Variants in HSP90AB1 observed in about 807,000 individuals in gnomAD.
The protein encoded by HSP90AB1 is heat shock protein HSP 90-beta.
Under a neutral mutation model 67.8 loss-of-function variants are expected in HSP90AB1, and 17 were observed. The observed-to-expected ratio is 0.25, with a 90% CI of 0.17 to 0.38. The LOEUF is 0.38. Among genes scored for constraint, HSP90AB1 ranks in the 10% least tolerant of loss-of-function variants. The pLI, the probability that HSP90AB1 is intolerant of heterozygous loss-of-function variation, is 1.00. For synonymous variants in HSP90AB1, 390 were observed against 312.9 expected (o/e 1.25, Z -2.60); for missense variants, 690 against 899.9 (o/e 0.77, Z 2.98).
In HSP90AB1 at chr6:44,253,669, G is replaced by A. The variant is rs1421623845; in HGVS notation, c.*71G>A. On this transcript the variant is annotated 3_prime_UTR_variant, in exon 12 of 12. Coordinates refer to ENST00000371646, the MANE Select transcript of HSP90AB1 (RefSeq NM_007355.4). ...CCATGGGCTCCCACTGCAGCCTCGA[G>A]TGCCCCTGTCCCACCTGGCTCCCCC... 8.6e-7 allele frequency: 1 copy of A among 1,163,194 alleles called. No individual in the cohort carries two copies. The allele number at this position is 1,163,194 out of a possible 1,614,324, so 72.1% of individuals were successfully genotyped here.
At chr6:44,248,600 C>G (rs187398161) in intron 1 of HSP90AB1, 30 bp from the exon 2 acceptor site, 10 of 1,595,924 alleles carry the variant, frequency 6.3e-6, no homozygotes, top group South Asian at 1.1e-5. Context: ...CCTTAGTGTT[C>G]TTTTGTAATT....
chr6:44,247,143 C>G lies in HSP90AB1; in HGVS notation c.-53C>G, dbSNP rs963636945. ...CGCAGTGTTGGGACTGTCTGGGTAT[C>G]GGAAAGCAAGCCTACGTTGCTCACT... On this transcript the variant is annotated 5_prime_UTR_variant, in exon 1 of 12. In the 5' UTR this introduces an upstream ATG that the reference lacks. Transcript: ENST00000371646. 1 of 152,184 alleles carries G rather than the reference C, an allele frequency of 6.6e-6. No homozygotes were observed. Among genetic ancestry groups the G allele is most frequent in the Non-Finnish European group, 1.5e-5 (1 of 68,040 alleles). 9.4% of individuals were successfully genotyped at this position (152,184 alleles called of 1,614,324 possible). A position where few individuals can be genotyped will look rare whatever the true frequency, so the allele number is the denominator to read the frequency against.
At position 44,251,625 on chromosome 6, in the gene HSP90AB1, T is replaced by C. The variant is rs750943476; in HGVS notation, c.1314+17T>C. The C allele has an allele frequency of 1.3e-6, 2 of 1,592,562 alleles. No individual in the cohort carries two copies. Among genetic ancestry groups the C allele is most frequent in the East Asian group, 2.2e-5 (1 of 44,528 alleles). Reference sequence around the variant, plus strand: ...AATCTCAAGGTAAAAAGGCAAATAATGCTTATTCCCTTTACCACTTTCTTA... The same window carrying C: ...AATCTCAAGGTAAAAAGGCAAATAACGCTTATTCCCTTTACCACTTTCTTA... On this transcript the variant is annotated intron_variant, in intron 8 of 11. Transcript: ENST00000371646.
chr6:44,246,873 T>C (rs1045702691), upstream of HSP90AB1, among the ~76,000 whole-genome samples: 2 of 152,208 alleles, frequency 1.3e-5, no homozygotes, highest in Admixed American at 1.3e-4. Flanking sequence ...GATGGAGTCA[T>C]GTCCTAGACG....
At chr6:44,247,307 G>A (rs978804028) in intron 1 of HSP90AB1, 112 bp downstream of exon 1, 1 of 152,224 alleles carries the variant, frequency 6.6e-6, no homozygotes, top group Non-Finnish European at 1.5e-5. Flanking sequence ...GTGGCTTGTG[G>A]ATAACGCTCT....
Position 44,248,661 on chromosome 6 carries a change from A to T in HSP90AB1, c.32A>T (p.Glu11Val), listed in dbSNP as rs780214960. Residue 11 changes from glutamate (E) to valine (V), a missense_variant, in exon 2 of 12, where the codon GAG (glutamate) becomes GTG (valine). Physicochemically the swap from Glu to Val is moderately radical, Grantham distance 121. Around this residue, in one of 7 missense-constraint regions of HSP90AB1, gnomAD observed 25 missense variants for 18.0 expected, o/e 1.39. Transcript: ENST00000371646. MPEEVHHGEE[E>V]VETFAFQAEI... is the part of the protein sequence containing the mutation. Reference sequence around the variant, plus strand: ...GAGGAAGTGCACCATGGAGAGGAGGAGGTGGAGACTTTTGCCTTTCAGGCA... The same window carrying T: ...GAGGAAGTGCACCATGGAGAGGAGGTGGTGGAGACTTTTGCCTTTCAGGCA... 3.7e-6 allele frequency: 6 copies of T among 1,613,772 alleles called. No homozygotes were observed. Among genetic ancestry groups the T allele is most frequent in the East Asian group, 2.2e-5 (1 of 44,888 alleles).
At position 44,250,618 on chromosome 6, in the gene HSP90AB1, T is replaced by C. The variant is rs371378619; in HGVS notation, c.957+19T>C. 2.3e-5 allele frequency: 33 copies of C among 1,410,550 alleles called. No homozygotes were observed. The highest frequency in any genetic ancestry group is 3.5e-5 in the Admixed American group (2 of 57,340). 87.4% of individuals were successfully genotyped at this position (1,410,550 alleles called of 1,614,324 possible). A position where few individuals can be genotyped will look rare whatever the true frequency, so the allele number is the denominator to read the frequency against. On this transcript the variant is annotated intron_variant, in intron 6 of 11. Transcript: ENST00000371646. ...AGTCAAGGTGTGAGAAGCCTTTGCATGTTGGCTCAACATGCACATATGGAG... is the reference window on the plus strand; with the variant it reads ...AGTCAAGGTGTGAGAAGCCTTTGCACGTTGGCTCAACATGCACATATGGAG...
At chr6:44,247,628 A>G (rs1271358772) in intron 1 of HSP90AB1, among the ~76,000 whole-genome samples, 2 of 151,994 alleles carry the variant, frequency 1.3e-5, no homozygotes, top group Non-Finnish European at 2.9e-5. Flanking sequence ...CTCTTATCGG[A>G]CGCGTTGTTA....
At chr6:44,252,983 C>A in intron 10 of HSP90AB1, 62 bp from the exon 11 acceptor site, 3 of 1,375,712 alleles carry the variant, frequency 2.2e-6, no homozygotes, top group South Asian at 1.2e-5. Context: ...TTAGGCTTGA[C>A]AATGCCTGTT....
upstream of HSP90AB1, chr6:44,246,466 C>T (rs369074535): frequency 1.4e-3 from 213 of 153,490 alleles, no homozygotes; most frequent in African/African-American, 3.5e-3. Context: ...GCTGGAAATG[C>T]CGCAGTGCCG....
rs1780571281 is a variant in HSP90AB1 at position 44,250,960 on chromosome 6, A to G, written c.958-88A>G. 5 of 1,161,584 alleles carry G rather than the reference A, an allele frequency of 4.3e-6. No individual in the cohort carries two copies. The South Asian group carries it at 6.4e-5, about 15-fold the overall frequency. The allele number at this position is 1,161,584 out of a possible 1,614,324, so 72.0% of individuals were successfully genotyped here. On this transcript the variant is annotated intron_variant, in intron 6 of 11. Coordinates refer to ENST00000371646, the MANE Select transcript of HSP90AB1 (RefSeq NM_007355.4). Reference sequence around the variant, plus strand: ...TGTGCTCTATCCCTTAGGCTTAGGGAGGATCATTGTTCCACTTTTAGATAA... The same window carrying G: ...TGTGCTCTATCCCTTAGGCTTAGGGGGGATCATTGTTCCACTTTTAGATAA...
upstream of HSP90AB1, among the ~76,000 whole-genome samples, chr6:44,246,560 G>A (rs554685932): frequency 6.6e-6 from 1 of 152,214 alleles, no homozygotes; most frequent in Admixed American, 6.5e-5. Context: ...CTGCCCCTCA[G>A]CGCGAACCCT....
rs545058693 is a variant in HSP90AB1, at chr6:44,249,982, C to T, written c.515-39C>T. ...TAATTGCTGGTCTCAACTGCATATA[C>T]TTTTTACCCTGTTACACGCTTGTAA... On this transcript the variant is annotated intron_variant, in intron 4 of 11. Transcript: ENST00000371646. The T allele has an allele frequency of 2.0e-5, 33 of 1,612,638 alleles. No homozygotes were observed. The African/African-American group carries it at 3.9e-4, about 19-fold the overall frequency.
Position 44,250,425 on chromosome 6 carries a change from C to T in HSP90AB1, c.783C>T (p.Ser261=), listed in dbSNP as rs763583102. 1.7e-5 allele frequency: 27 copies of T among 1,613,428 alleles called. No individual in the cohort carries two copies. The highest frequency in any genetic ancestry group is 1.6e-4 in the Middle Eastern group (1 of 6,084). ...TGGGTTCAGATGAGGAGGATGACAG[C>T]GGTAAGGATAAGAAGAAGAAAACTA... ...EDVGSDEEDD[S]GKDKKKKTKK... Residue 261 remains serine (S), a synonymous_variant, in exon 6 of 12, where the codon AGC becomes AGT. Coordinates refer to ENST00000371646, the MANE Select transcript of HSP90AB1 (RefSeq NM_007355.4).
chr6:44,250,056 C>T lies in HSP90AB1; in HGVS notation c.550C>T (p.His184Tyr). The change falls in exon 5 of 12, where the codon CAT becomes TAT. Residue 184 changes from histidine (H) to tyrosine (Y), a missense_variant. This residue lies in a region of HSP90AB1 where 146 missense variants were observed against 143.7 expected (regional missense o/e 1.02). Transcript: ENST00000371646. ...PIGRGTKVIL[H>Y]LKEDQTEYLE... ...TGGCAGGGGTACCAAAGTGATCCTC[C>T]ATCTTAAAGAAGATCAGACAGAGTA... The T allele has an allele frequency of 6.2e-7, 1 of 1,613,980 alleles. No individual in the cohort carries two copies.
chr6:44,250,981 G>C lies in HSP90AB1; in HGVS notation c.958-67G>C, dbSNP rs528003712. ...AGGGAGGATCATTGTTCCACTTTTA[G>C]ATAATTTGGTGTTGGGGCTAAAAGG... On this transcript the variant is annotated intron_variant, in intron 6 of 11. Coordinates refer to ENST00000371646, the MANE Select transcript of HSP90AB1 (RefSeq NM_007355.4). 26 of 1,347,852 alleles carry C rather than the reference G, an allele frequency of 1.9e-5. No homozygotes were observed. The East Asian group carries it at 3.0e-4, about 15-fold the overall frequency. 83.5% of individuals were successfully genotyped at this position (1,347,852 alleles called of 1,614,324 possible).
chr6:44,247,381 G>A (rs2153315926), intron 1 of HSP90AB1, among the ~76,000 whole-genome samples, 186 bp downstream of exon 1: 1 of 152,164 alleles, frequency 6.6e-6, no homozygotes, highest in South Asian at 2.1e-4. Context: ...GTTTTCTCTA[G>A]TGTGTTTGGG....
chr6:44,248,898 C>A, intron 2 of HSP90AB1, 122 bp downstream of exon 2: 1 of 870,672 alleles, frequency 1.1e-6, no homozygotes, highest in Non-Finnish European at 1.8e-6. Flanking sequence ...TGCAGCTATT[C>A]CAAAAAGATG....
chr6:44,250,822 G>A (rs1246200089), intron 6 of HSP90AB1, among the ~76,000 whole-genome samples: 1 of 152,218 alleles, frequency 6.6e-6, no homozygotes, highest in Non-Finnish European at 1.5e-5. Context: ...TCTATTGGCA[G>A]CCTTACACAT....
Sources: gnomAD v4.1 joint callset for allele counts (sites outside exome capture counted in the v4.1 genomes callset) on GRCh38, gnomAD v4.1.1 for gene constraint, gnomAD v4.1.1 regional missense constraint, MANE v1.5 for transcripts, NCBI Gene and HGNC (gene_info 2026-07-23, HGNC 2026-07-21) for gene names.